Variants in CCDC180 observed in about 807,000 individuals in gnomAD.
CCDC180 encodes coiled-coil domain-containing protein 180.
In CCDC180, 154 loss-of-function variants were observed where a neutral mutation model predicts 209.2. The ratio of observed to expected loss-of-function variants is 0.74; its 90% confidence interval spans 0.65 to 0.84. CCDC180 has a LOEUF of 0.84. Ranked by LOEUF, CCDC180 falls within the 40% of genes least tolerant of loss-of-function variation. The pLI is 0.00. For synonymous variants in CCDC180, 778 were observed against 749.1 expected (o/e 1.04, Z -0.63); for missense variants, 1,874 against 1,997.3 (o/e 0.94, Z 1.18).
At chr9:97,356,964 T>C (rs1826602496) in intron 24 of CCDC180, among the ~76,000 whole-genome samples, 1 of 152,276 alleles carries the variant, frequency 6.6e-6, no homozygotes, top group Admixed American at 6.5e-5. Context: ...TTATAAGCTG[T>C]ATAATCTTTA....
chr9:97,328,126 G>A lies in CCDC180; in HGVS notation c.1768G>A (p.Val590Met). 3 of 1,613,962 alleles carry A rather than the reference G, an allele frequency of 1.9e-6. No homozygotes were observed. The highest frequency in any genetic ancestry group is 2.5e-6 in the Non-Finnish European group (3 of 1,179,912). Reference protein sequence around the residue: ...YSSALSQYFFVREIFEQNLAG... With the variant: ...YSSALSQYFFMREIFEQNLAG... Reference sequence around the variant, plus strand: ...CTCTGCCCTCAGCCAATACTTCTTTGTGCGTGAAATCTTTGAACAGGTATG... The same window carrying A: ...CTCTGCCCTCAGCCAATACTTCTTTATGCGTGAAATCTTTGAACAGGTATG... Residue 590 changes from valine (V) to methionine (M), a missense_variant, in exon 16 of 37, where the codon GTG becomes ATG. Coordinates refer to ENST00000529487, the MANE Select transcript of CCDC180 (RefSeq NM_020893.6).
At chr9:97,313,757 GC>G (rs1364394280) in intron 5 of CCDC180, among the ~76,000 whole-genome samples, 2 of 152,274 alleles carry the variant, frequency 1.3e-5, no homozygotes, top group East Asian at 3.9e-4. Context: ...CTTATGGACT[GC>G]CCCCCATTCA....
At chr9:97,312,455 G>A (rs150197136) in intron 4 of CCDC180, among the ~76,000 whole-genome samples, 2 of 152,294 alleles carry the variant, frequency 1.3e-5, no homozygotes, top group African/African-American at 4.8e-5. Flanking sequence ...ATTAAAGGAT[G>A]CCACTCGTTT....
rs1175616572 is a variant in CCDC180 at position 97,330,306 on chromosome 9, T to TG, written c.1829-15dup. The TG allele has an allele frequency of 1.5e-5, 24 of 1,612,726 alleles. No homozygotes were observed. The highest frequency in any genetic ancestry group is 1.7e-5 in the Non-Finnish European group (20 of 1,179,328). On this transcript the variant is annotated splice_polypyrimidine_tract_variant and intron_variant, in intron 17 of 36. Transcript: ENST00000529487. ...TAAATTGTCTCTCCTTGTGCTTTGGTGTTTATCATCAACAGAAGCACATGA... is the reference window on the plus strand; with the variant it reads ...TAAATTGTCTCTCCTTGTGCTTTGGTGGTTTATCATCAACAGAAGCACATGA...
At chr9:97,319,135 G>A (rs141295697) in intron 10 of CCDC180, among the ~76,000 whole-genome samples, 1 of 152,268 alleles carries the variant, frequency 6.6e-6, no homozygotes, top group Non-Finnish European at 1.5e-5. Flanking sequence ...GGCCTGCTTA[G>A]TCTGAAGGTG....
intron 9 of CCDC180, among the ~76,000 whole-genome samples, chr9:97,318,088 T>C (rs927289443): frequency 3.9e-5 from 6 of 152,068 alleles, no homozygotes; most frequent in African/African-American, 1.4e-4. Flanking sequence ...TGAGTTCCAT[T>C]TTACAGAAGA....
chr9:97,330,434 C>G lies in CCDC180; in HGVS notation c.1941C>G (p.Ala647=), dbSNP rs147100303. 2.9e-4 allele frequency: 476 copies of G among 1,614,096 alleles called. No individual in the cohort carries two copies. Among genetic ancestry groups the G allele is most frequent in the Non-Finnish European group, 3.6e-4 (425 of 1,180,032 alleles). ...EESISSGTST[A]RSVEEVEEEN... ...GCATAAGTAGTGGGACAAGTACTGC[C>G]AGGTCAGTAGAAGAGGTGGAAGAAG... Residue 647 remains alanine, a synonymous_variant, in exon 18 of 37, where the codon GCC becomes GCG. Transcript: ENST00000529487.
intron 18 of CCDC180, among the ~76,000 whole-genome samples, chr9:97,331,050 T>G (rs191745551): frequency 5.3e-5 from 8 of 150,658 alleles, no homozygotes; most frequent in Non-Finnish European, 7.4e-5. Context: ...ATAGTTGTTG[T>G]TTTTTTTTCT....
chr9:97,352,943 ATG>A (rs199922014), intron 22 of CCDC180, among the ~76,000 whole-genome samples: 2 of 147,706 alleles, frequency 1.4e-5, no homozygotes, highest in African/African-American at 5.2e-5. Flanking sequence ...ACATATACGT[ATG>A]TATATATATA....
In CCDC180 at chr9:97,309,516, C is replaced by T. The variant is rs771745384; in HGVS notation, c.172C>T (p.Pro58Ser). 4.4e-6 allele frequency: 7 copies of T among 1,604,108 alleles called. No homozygotes were observed. Among genetic ancestry groups the T allele is most frequent in the Non-Finnish European group, 6.0e-6 (7 of 1,175,686 alleles). Residue 58 changes from proline to serine, a missense_variant, in exon 3 of 37, where the codon CCT (proline) becomes TCT (serine). Coordinates refer to ENST00000529487, the MANE Select transcript of CCDC180 (RefSeq NM_020893.6). ...ACCCATGATGAAGAAGGTGGAGACT[C>T]CTGAAGGGGAGGTGATGTCTCCCCG... ...RIPMMKKVET[P>S]EGEVMSPRQQ... is the part of the protein sequence containing the mutation.
Position 97,377,409 on chromosome 9 carries a change from T to G in CCDC180, c.*515T>G, listed in dbSNP as rs2279114. ...TTGGAAAAAAAAAAATCTTCCAGGC[T>G]CCTTTAGTCCTGTGTTGCCCAGATC... On this transcript the variant is annotated 3_prime_UTR_variant, in exon 37 of 37. Transcript: ENST00000529487. 3 of 152,502 alleles carry G rather than the reference T, an allele frequency of 2.0e-5. No homozygotes were observed. Among genetic ancestry groups the G allele is most frequent in the African/African-American group, 7.3e-5 (3 of 41,308 alleles). 9.4% of individuals were successfully genotyped at this position (152,502 alleles called of 1,614,324 possible).
chr9:97,311,786 T>G lies in CCDC180; in HGVS notation c.261-327T>G, dbSNP rs554058186. 5.3e-5 allele frequency among the ~76,000 whole-genome samples: 8 copies of G among 152,318 alleles called. No homozygotes were observed. The East Asian group carries it at 1.5e-3, about 29-fold the overall frequency. On this transcript the variant is annotated intron_variant, in intron 3 of 36. Coordinates refer to ENST00000529487, the MANE Select transcript of CCDC180 (RefSeq NM_020893.6). ...TGATTTGGCTTCACTGGGCTGCTCG[T>G]ACCCCTTCTGATCCTCAGTTTCCCC...
intron 27 of CCDC180, 61 bp downstream of exon 27, chr9:97,361,959 A>G (rs780288109): frequency 5.1e-6 from 8 of 1,570,622 alleles, no homozygotes; most frequent in Non-Finnish European, 6.1e-6. Context: ...CTGGACCTTC[A>G]GGGACCAGCT....
At chr9:97,307,525 G>C (rs2118486660), upstream of CCDC180, 2 of 608,616 alleles carry the variant, frequency 3.3e-6, 1 homozygote, top group South Asian at 3.8e-5. Context: ...CACACAGTAG[G>C]CGCCTAATTA....
In CCDC180 at chr9:97,370,092, C is replaced by T. The variant is rs553449064; in HGVS notation, c.4350+10C>T. 1 of 1,612,192 alleles carries T rather than the reference C, an allele frequency of 6.2e-7. No homozygotes were observed. Among genetic ancestry groups the T allele is most frequent in the East Asian group, 2.2e-5 (1 of 44,860 alleles). On this transcript the variant is annotated intron_variant, in intron 32 of 36. Transcript: ENST00000529487. ...GCTGGAGAAAAGAAAGGTGAGGGCC[C>T]CAGGACCAGCCCTTCCACTCTAGGA... is the stretch of plus-strand genomic sequence containing the variant.
At chr9:97,359,957 C>A (rs1321291044) in intron 25 of CCDC180, 25 bp from the exon 26 acceptor site, 3 of 1,612,400 alleles carry the variant, frequency 1.9e-6, no homozygotes, top group Non-Finnish European at 2.5e-6. Context: ...TTCCTTGGGG[C>A]TTTCTTCCTC....
At chr9:97,369,680 A>G (rs1038050134) in intron 31 of CCDC180, 8 of 361,674 alleles carry the variant, frequency 2.2e-5, no homozygotes, top group Admixed American at 8.4e-5. Context: ...GCCTCAAGCA[A>G]TCCTCCCACC....
At chr9:97,324,961 C>T (rs1208261577) in intron 13 of CCDC180, 58 bp from the exon 14 acceptor site, 2 of 1,541,182 alleles carry the variant, frequency 1.3e-6, no homozygotes, top group Non-Finnish European at 1.8e-6. Flanking sequence ...GGTGGGCCCT[C>T]TTCTTGGCCC....
intron 16 of CCDC180, among the ~76,000 whole-genome samples, chr9:97,328,753 T>C (rs942423179): frequency 2.0e-5 from 3 of 152,216 alleles, no homozygotes; most frequent in African/African-American, 7.2e-5. Flanking sequence ...CTCACCTTGC[T>C]CAGCCCCTGC....
Sources: allele counts gnomAD v4.1 joint callset (sites outside exome capture counted in the v4.1 genomes callset), GRCh38; gene constraint gnomAD v4.1.1; transcripts MANE v1.5; gene names NCBI Gene and HGNC (gene_info 2026-07-23, HGNC 2026-07-21).